The following CES5A variants were observed in gnomAD, a reference collection of about 807,000 sequenced individuals.
The protein encoded by CES5A is carboxylesterase 5A, also known as carboxylesterase 5.
In CES5A, 67 loss-of-function variants were observed where a neutral mutation model predicts 62.9. The ratio of observed to expected loss-of-function variants is 1.07; its 90% CI spans 0.88 to 1.31. The LOEUF is 1.31. Among genes scored for constraint, CES5A ranks in the 50% most tolerant of loss-of-function variants. The pLI, the probability that CES5A is intolerant of heterozygous loss-of-function variation, is 0.00. For synonymous variants in CES5A, 296 were observed against 280.8 expected (o/e 1.05, Z -0.54); for missense variants, 748 against 708.5 (o/e 1.06, Z -0.63).
intron 2 of CES5A, among the ~76,000 whole-genome samples, chr16:55,931,019 A>C (rs2034305589): frequency 6.6e-6 from 1 of 152,232 alleles, no homozygotes; most frequent in Admixed American, 6.5e-5. Context: ...GTGGATTACC[A>C]ATTAAGCCCA....
At chr16:55,952,166 T>A (rs1423596325) in intron 1 of CES5A, among the ~76,000 whole-genome samples, 1 of 152,142 alleles carries the variant, frequency 6.6e-6, no homozygotes, top group Non-Finnish European at 1.5e-5. Flanking sequence ...CACCTGAGCA[T>A]GCTAAATACT....
rs192295446 is a variant in CES5A, at chr16:55,953,445, T to C, written c.42+2399A>G. Among the ~76,000 whole-genome samples the C allele has an allele frequency of 1.7e-3, 260 of 152,254 alleles. 2 individuals are homozygous for C. The highest frequency in any genetic ancestry group is 5.8e-3 in the African/African-American group (243 of 41,560). ...AAAATCCACAAGAACCAAATGTGAG[T>C]TAAACAAGTTGACTAGATATAAAAT... On this transcript the variant is annotated intron_variant, in intron 1 of 13. Coordinates refer to the CES5A transcript ENST00000521992.
chr16:55,877,176 C>T (rs1292885989), upstream of CES5A, among the ~76,000 whole-genome samples: 1 of 152,194 alleles, frequency 6.6e-6, no homozygotes, highest in Non-Finnish European at 1.5e-5. Context: ...CTATTAGCAT[C>T]CCATAACTCA....
intron 1 of CES5A, among the ~76,000 whole-genome samples, chr16:55,953,641 G>A (rs1007065045): frequency 2.6e-5 from 4 of 152,186 alleles, no homozygotes; most frequent in Non-Finnish European, 4.4e-5. Flanking sequence ...GGGAAACCTG[G>A]TTGTGATGTT....
intron 1 of CES5A, among the ~76,000 whole-genome samples, chr16:55,889,249 C>G (rs1159993800): frequency 6.6e-6 from 1 of 152,144 alleles, no homozygotes; most frequent in Non-Finnish European, 1.5e-5. Context: ...CCAAGAAATG[C>G]CAGCTGGGTA....
chr16:55,927,431 A>G (rs1375961097), upstream of CES5A, among the ~76,000 whole-genome samples: 10 of 152,230 alleles, frequency 6.6e-5, no homozygotes, highest in Admixed American at 2.0e-4. Flanking sequence ...AAAAACAAGT[A>G]ATCTCATTAA....
intron 2 of CES5A, among the ~76,000 whole-genome samples, chr16:55,936,024 C>T (rs1291948044): frequency 1.3e-5 from 2 of 152,092 alleles, no homozygotes; most frequent in East Asian, 3.9e-4. Flanking sequence ...TTAACAGTCC[C>T]CAAAGTAGGG....
intron 1 of CES5A, among the ~76,000 whole-genome samples, chr16:55,923,909 A>T (rs1229401983): frequency 1.3e-5 from 2 of 151,994 alleles, no homozygotes; most frequent in African/African-American, 2.4e-5. Context: ...TATAGAAGGA[A>T]CATGCTCAAA....
chr16:55,910,167 T>C (rs1486632132), intron 1 of CES5A, among the ~76,000 whole-genome samples: 1 of 152,024 alleles, frequency 6.6e-6, no homozygotes, highest in Non-Finnish European at 1.5e-5. Context: ...CCACACCCCC[T>C]CCTCCAGGTC....
At chr16:55,876,846 A>G (rs1401060830), upstream of CES5A, among the ~76,000 whole-genome samples, 2 of 152,196 alleles carry the variant, frequency 1.3e-5, no homozygotes, top group East Asian at 3.9e-4. Flanking sequence ...GGTGACTACC[A>G]ACCTGGCTGG....
chr16:55,909,979 C>T (rs1402468078), intron 1 of CES5A, among the ~76,000 whole-genome samples: 1 of 152,170 alleles, frequency 6.6e-6, no homozygotes, highest in Admixed American at 6.5e-5. Flanking sequence ...GTTGGTCATC[C>T]AGCCCCAGAG....
intron 1 of CES5A, among the ~76,000 whole-genome samples, chr16:55,881,178 G>C (rs1476820353): frequency 6.6e-6 from 1 of 152,124 alleles, no homozygotes; most frequent in East Asian, 1.9e-4. Flanking sequence ...GCATAGACTT[G>C]ACCTGTGATA....
chr16:55,890,037 G>C (rs2033859948), intron 1 of CES5A, among the ~76,000 whole-genome samples: 1 of 152,154 alleles, frequency 6.6e-6, no homozygotes, highest in African/African-American at 2.4e-5. Context: ...GAAAGCATCA[G>C]AGTCACACTC....
chr16:55,929,217 G>A (rs1470908095), upstream of CES5A, among the ~76,000 whole-genome samples: 1 of 152,190 alleles, frequency 6.6e-6, no homozygotes, highest in Admixed American at 6.5e-5. Context: ...CCAAGGCATG[G>A]CCGAGTCAGA....
chr16:55,863,704 T>A (rs2033400070), intron 5 of CES5A, among the ~76,000 whole-genome samples: 1 of 152,136 alleles, frequency 6.6e-6, no homozygotes, highest in Non-Finnish European at 1.5e-5. Flanking sequence ...GCTCCTTCAC[T>A]TTCTACCTAG....
At chr16:55,883,547 A>G (rs1235278346) in intron 1 of CES5A, among the ~76,000 whole-genome samples, 1 of 152,212 alleles carries the variant, frequency 6.6e-6, no homozygotes, top group Non-Finnish European at 1.5e-5. Context: ...TGCTGGGATT[A>G]CAGGTGTGAG....
chr16:55,886,366 C>A lies in CES5A; in HGVS notation c.-255-12329G>T, dbSNP rs78933888. Among the ~76,000 whole-genome samples the A allele has an allele frequency of 3.0e-4, 45 of 152,320 alleles. 1 individual carries two copies. In the East Asian group the frequency reaches 7.9e-3, roughly 27 times the overall value. On this transcript the variant is annotated intron_variant, in intron 1 of 12. Coordinates refer to the CES5A transcript ENST00000518005. The stretch of plus-strand genomic sequence containing the variant: ...GTGACAAAGAGATGTGAGAAAGAAT[C>A]ATGAGGATTCATCTATGGGAGTGGG...
At chr16:55,932,603 T>A (rs1398440373) in intron 2 of CES5A, among the ~76,000 whole-genome samples, 1 of 150,508 alleles carries the variant, frequency 6.6e-6, no homozygotes, top group Admixed American at 6.6e-5. Flanking sequence ...CATCAGGGAG[T>A]CCTCTCTGAG....
chr16:55,892,891 T>A (rs7404321), intron 1 of CES5A, among the ~76,000 whole-genome samples: 32,123 of 152,098 alleles, frequency 0.21, 4,514 homozygotes, highest in Non-Finnish European at 0.31. Flanking sequence ...TGGGAGAAGT[T>A]GCCAAGTTAA....
Sources: allele counts gnomAD v4.1 joint callset (sites outside exome capture counted in the v4.1 genomes callset), GRCh38; gene constraint gnomAD v4.1.1; transcripts MANE v1.5; gene names NCBI Gene and HGNC (gene_info 2026-07-23, HGNC 2026-07-21).